Variants in SYN1 observed in about 807,000 individuals in gnomAD.
SYN1 encodes the protein synapsin I, also known as synapsin-1.
A neutral mutation model predicts 44.6 loss-of-function variants in SYN1; 8 were observed. The observed-to-expected ratio is 0.18, with a 90% confidence interval of 0.11 to 0.32. SYN1 has a LOEUF of 0.32. SYN1 is among the 10% of genes least tolerant of loss of function. The pLI, the probability that SYN1 is intolerant of heterozygous loss-of-function variation, is 1.00. For missense variants in SYN1, 451 were observed against 639.4 expected (o/e 0.71, Z 3.18); for synonymous variants, 275 against 280.1 (o/e 0.98, Z 0.18).
chrX:47,609,038 A>ACACACC (rs1386994413), intron 1 of SYN1, among the ~76,000 whole-genome samples: 3 of 107,931 alleles, frequency 2.8e-5, no homozygotes, highest in East Asian at 2.9e-4. Flanking sequence ...ACACACACAC[A>ACACACC]CCATCGCTGA....
At chrX:47,586,904 T>G (rs1266941434) in intron 5 of SYN1, 2 of 445,908 alleles carry the variant, frequency 4.5e-6, no homozygotes, top group African/African-American at 2.4e-5. Context: ...TATATTTTAC[T>G]TAAATTCTGA....
intron 1 of SYN1, 69 bp from the exon 2 acceptor site, chrX:47,607,267 G>T: frequency 9.6e-7 from 1 of 1,040,823 alleles, no homozygotes; most frequent in Non-Finnish European, 1.3e-6. Context: ...ACAGGCCCTT[G>T]ACCCTTTTGC....
At chrX:47,582,379 C>T in intron 5 of SYN1, 1 of 202,211 alleles carries the variant, frequency 4.9e-6, no homozygotes, top group African/African-American at 3.0e-5. Context: ...GTTTCCGCAC[C>T]CGCTGCCACC....
intron 1 of SYN1, among the ~76,000 whole-genome samples, chrX:47,607,816 G>A (rs747167439): frequency 9.1e-6 from 1 of 109,740 alleles, no homozygotes; most frequent in East Asian, 2.9e-4. Flanking sequence ...TGGATCACCT[G>A]AGGTCAAGAG....
chrX:47,586,734 CT>C (rs774917978), intron 5 of SYN1: 13 of 1,169,081 alleles, frequency 1.1e-5, no homozygotes, highest in Non-Finnish European at 1.4e-5. Context: ...AGTGTCCACC[CT>C]GTTCCCACTC....
rs1319202489 is a variant in SYN1 at position 47,602,425 on chromosome X, C to T, written c.774+2553G>A. ...CTGTAATCCCAGCACTTTGGGAGGC[C>T]GAGGCGGGCAGATTGAGACCATGCT... On this transcript the variant is annotated intron_variant, in intron 5 of 12. Transcript: ENST00000295987. Among the ~76,000 whole-genome samples the T allele has an allele frequency of 4.5e-5, 5 of 111,572 alleles. 1 individual carries two copies. The highest frequency in any genetic ancestry group is 7.4e-4 in the South Asian group (2 of 2,704).
chrX:47,582,201 A>T (rs1415143047), intron 5 of SYN1: 1 of 126,921 alleles, frequency 7.9e-6, no homozygotes, highest in Non-Finnish European at 1.6e-5. Flanking sequence ...AGGAATAGTG[A>T]CTGACGTGGA....
intron 12 of SYN1, 100 bp downstream of exon 12, chrX:47,573,902 G>T (rs2057768190): frequency 1.2e-6 from 1 of 806,643 alleles, no homozygotes; most frequent in African/African-American, 2.2e-5. Context: ...CCCCTGCATA[G>T]GACCTGGGTC....
chrX:47,600,830 G>A (rs2057877605), intron 5 of SYN1, among the ~76,000 whole-genome samples: 1 of 111,967 alleles, frequency 8.9e-6, no homozygotes, highest in Non-Finnish European at 1.9e-5. Context: ...GATACTTTGA[G>A]ATGAATGAAA....
At chrX:47,598,451 C>T (rs1223235625) in intron 5 of SYN1, among the ~76,000 whole-genome samples, 1 of 110,946 alleles carries the variant, frequency 9.0e-6, no homozygotes, top group African/African-American at 3.3e-5. Context: ...AATCACAACA[C>T]TTTGGGAGGC....
At chrX:47,595,158 G>T (rs879014252) in intron 5 of SYN1, among the ~76,000 whole-genome samples, 1 of 111,923 alleles carries the variant, frequency 8.9e-6, no homozygotes, top group Admixed American at 9.5e-5. Context: ...GGCTACCTGG[G>T]GGTGGGGCAT....
intron 5 of SYN1, chrX:47,586,830 G>A: frequency 1.2e-6 from 1 of 836,860 alleles, no homozygotes; most frequent in Non-Finnish European, 1.6e-6. Flanking sequence ...AACCCATGTT[G>A]CTGATGACCT....
At chrX:47,580,060 C>T (rs980988856) in intron 5 of SYN1, among the ~76,000 whole-genome samples, 5 of 110,141 alleles carry the variant, frequency 4.5e-5, no homozygotes, top group African/African-American at 1.7e-4. Flanking sequence ...AGCCTCGATC[C>T]TCAAGAAGTG....
Position 47,573,997 on chromosome X carries a change from C to T in SYN1, c.1982+5G>A. On this transcript the variant is annotated splice_donor_5th_base_variant and intron_variant, in intron 12 of 12. Coordinates refer to ENST00000295987, the MANE Select transcript of SYN1 (RefSeq NM_006950.3). Reference sequence around the variant, plus strand: ...AGGCGAAGGCTGCTGTAGGGGTCCCCTTACTTGAGCTGGGGGTGCGGAGGT... The same window carrying T: ...AGGCGAAGGCTGCTGTAGGGGTCCCTTTACTTGAGCTGGGGGTGCGGAGGT... 2 of 1,130,554 alleles carry T rather than the reference C, an allele frequency of 1.8e-6. No individual in the cohort carries two copies. The highest frequency in any genetic ancestry group is 2.0e-5 in the South Asian group (1 of 49,345). 93.2% of individuals were successfully genotyped at this position (1,130,554 alleles called of 1,213,427 possible).
At chrX:47,603,231 C>T (rs4824424) in intron 5 of SYN1, among the ~76,000 whole-genome samples, 28,332 of 110,171 alleles carry the variant, frequency 0.26, 3,002 homozygotes, top group Non-Finnish European at 0.33. Context: ...GGGTCTCACT[C>T]TGTTGCCCAG....
At chrX:47,586,054 C>T in intron 5 of SYN1, 1 of 965,497 alleles carries the variant, frequency 1.0e-6, no homozygotes, top group South Asian at 2.3e-5. Context: ...CTGCTTGTTG[C>T]TCTGCAGCTC....
Position 47,607,195 on chromosome X carries a change from T to C in SYN1, c.381A>G (p.Ala127=), listed in dbSNP as rs2057900538. The C allele has an allele frequency of 1.7e-6, 2 of 1,211,042 alleles. No individual in the cohort carries two copies. The highest frequency in any genetic ancestry group is 2.2e-5 in the Admixed American group (1 of 46,058). Residue 127 remains alanine (A), a synonymous_variant, in exon 2 of 13, where the codon GCA becomes GCG. Coordinates refer to ENST00000295987, the MANE Select transcript of SYN1 (RefSeq NM_006950.3). ...LVIDEPHTDW[A]KYFKGKKIHG... ...GGATCTTTTTCCCTTTGAAGTATTT[T>C]GCCCTGGAGAGGAAAAACAACACAT... is the stretch of plus-strand genomic sequence containing the variant.
chrX:47,578,679 G>A (rs2057785571), intron 5 of SYN1, among the ~76,000 whole-genome samples: 1 of 111,474 alleles, frequency 9.0e-6, no homozygotes, highest in Admixed American at 9.5e-5. Context: ...ACGGCCCTAG[G>A]CTCCCCGCTC....
intron 6 of SYN1, 100 bp from the exon 7 acceptor site, chrX:47,576,740 G>T (rs1406386315): frequency 9.2e-7 from 1 of 1,081,743 alleles, no homozygotes; most frequent in African/African-American, 1.8e-5. Context: ...CACAGGTGAG[G>T]CGAGTACACA....
Sources: allele counts gnomAD v4.1 joint callset (sites outside exome capture counted in the v4.1 genomes callset), GRCh38; gene constraint gnomAD v4.1.1; transcripts MANE v1.5; gene names NCBI Gene and HGNC (gene_info 2026-07-23, HGNC 2026-07-21).